KDM4C: variants seen among roughly 807,000 people sequenced by gnomAD.
The protein encoded by KDM4C is lysine-specific demethylase 4C.
Under a neutral mutation model 129.3 loss-of-function variants are expected in KDM4C, and 81 were observed. That is an observed-to-expected ratio of 0.63 (90% CI 0.52 to 0.75). KDM4C has a LOEUF of 0.75. KDM4C is among the 30% of genes least tolerant of loss of function. KDM4C has a pLI of 0.00. For missense variants in KDM4C, 1,457 were observed against 1,304.0 expected (o/e 1.12, Z -1.81); for synonymous variants, 573 against 456.1 (o/e 1.26, Z -3.26).
intron 11 of KDM4C, among the ~76,000 whole-genome samples, chr9:6,988,133 T>G (rs1468748028): frequency 4.8e-5 from 6 of 125,764 alleles, no homozygotes; most frequent in African/African-American, 1.5e-4. Context: ...CTAGCCTGGG[T>G]GACAGAGTGA....
intron 8 of KDM4C, among the ~76,000 whole-genome samples, chr9:6,946,635 T>G (rs528462714): frequency 1.3e-5 from 2 of 152,244 alleles, no homozygotes; most frequent in South Asian, 4.1e-4. Context: ...TATGTGCGTG[T>G]GTTTATGTTG....
At chr9:6,828,522 G>A (rs978092837) in intron 4 of KDM4C, among the ~76,000 whole-genome samples, 1 of 152,042 alleles carries the variant, frequency 6.6e-6, no homozygotes, top group Non-Finnish European at 1.5e-5. Context: ...AGGAAATACT[G>A]ACCTTGGAAT....
At chr9:6,806,168 C>T (rs1435167980) in intron 3 of KDM4C, among the ~76,000 whole-genome samples, 1 of 152,060 alleles carries the variant, frequency 6.6e-6, no homozygotes, top group Non-Finnish European at 1.5e-5. Flanking sequence ...GAAAGGCCAC[C>T]ATTGCATTAG....
At chr9:7,035,335 A>AT (rs112264338) in intron 15 of KDM4C, among the ~76,000 whole-genome samples, 36,526 of 80,630 alleles carry the variant, frequency 0.45, 10,823 homozygotes, top group African/African-American at 0.55. Flanking sequence ...CTTAAATCAG[A>AT]TTTTTTTTTT....
At chr9:6,746,260 ATGTT>A (rs1817868967) in intron 1 of KDM4C, among the ~76,000 whole-genome samples, 1 of 105,674 alleles carries the variant, frequency 9.5e-6, no homozygotes, top group African/African-American at 3.8e-5. Context: ...ATATATATAT[ATGTT>A]TTTTTTTTTT....
intron 17 of KDM4C, among the ~76,000 whole-genome samples, chr9:7,080,062 G>T (rs1429488359): frequency 2.6e-5 from 4 of 152,044 alleles, no homozygotes; most frequent in Non-Finnish European, 5.9e-5. Context: ...ACTTCATCTA[G>T]GCCATGGATT....
At chr9:6,814,522 T>C in intron 3 of KDM4C, 109 bp from the exon 4 acceptor site, 1 of 596,498 alleles carries the variant, frequency 1.7e-6, no homozygotes, top group Non-Finnish European at 2.9e-6. Context: ...CATGCAGTAT[T>C]TTCGTTTTGG....
chr9:7,053,498 TA>T (rs1182489085), intron 17 of KDM4C, among the ~76,000 whole-genome samples: 1 of 152,242 alleles, frequency 6.6e-6, no homozygotes, highest in Non-Finnish European at 1.5e-5. Context: ...GGAGATCCTT[TA>T]GCTCATCCAG....
chr9:7,011,622 T>C, intron 12 of KDM4C, 76 bp from the exon 13 acceptor site: 2 of 1,313,202 alleles, frequency 1.5e-6, no homozygotes, highest in African/African-American at 2.9e-5. Flanking sequence ...TGTGGAATGT[T>C]TATTTCTTTT....
At chr9:6,745,112 C>G (rs1817832940) in intron 1 of KDM4C, among the ~76,000 whole-genome samples, 1 of 152,068 alleles carries the variant, frequency 6.6e-6, no homozygotes, top group Admixed American at 6.6e-5. Flanking sequence ...TTTTCTGGGT[C>G]AAACATCCCA....
chr9:6,813,392 G>A (rs1009591402), intron 3 of KDM4C, among the ~76,000 whole-genome samples: 3 of 152,048 alleles, frequency 2.0e-5, no homozygotes, highest in Non-Finnish European at 4.4e-5. Context: ...AATTCAAATT[G>A]TTCTATGTTT....
chr9:7,040,623 A>G (rs1337478152), intron 15 of KDM4C, among the ~76,000 whole-genome samples: 2 of 150,756 alleles, frequency 1.3e-5, no homozygotes, highest in Non-Finnish European at 3.0e-5. Flanking sequence ...GAGTGTTTCT[A>G]TTTTTCCTTT....
chr9:7,009,457 C>CT (rs796858594), intron 12 of KDM4C, among the ~76,000 whole-genome samples: 39 of 151,544 alleles, frequency 2.6e-4, no homozygotes, highest in African/African-American at 6.8e-4. Context: ...TGCATACATT[C>CT]TTTTTTTTTC....
At chr9:7,149,470 C>T (rs56754948) in intron 19 of KDM4C, among the ~76,000 whole-genome samples, 3,616 of 152,328 alleles carry the variant, frequency 0.024, 133 homozygotes, top group African/African-American at 0.082. Context: ...CATGGGCTCC[C>T]GCCCTGCCAG....
intron 8 of KDM4C, among the ~76,000 whole-genome samples, chr9:6,977,000 G>A (rs1003993148): frequency 6.6e-6 from 1 of 152,022 alleles, no homozygotes; most frequent in Non-Finnish European, 1.5e-5. Flanking sequence ...TTTTGAGACT[G>A]GATTATGAGA....
intron 19 of KDM4C, among the ~76,000 whole-genome samples, chr9:7,156,910 G>T (rs903943711): frequency 5.9e-5 from 9 of 152,208 alleles, no homozygotes; most frequent in Non-Finnish European, 1.2e-4. Flanking sequence ...GTAGCTTGAT[G>T]GGGATGGCAT....
intron 8 of KDM4C, among the ~76,000 whole-genome samples, chr9:6,971,038 A>G (rs1393471348): frequency 6.6e-6 from 1 of 152,178 alleles, no homozygotes; most frequent in Admixed American, 6.5e-5. Flanking sequence ...ATGACAGCGC[A>G]TTCCTTTTTT....
At chr9:7,163,103 CTCTG>C (rs1245493854) in intron 19 of KDM4C, among the ~76,000 whole-genome samples, 3 of 152,066 alleles carry the variant, frequency 2.0e-5, no homozygotes, top group East Asian at 1.9e-4. Context: ...AGTGCAGGTT[CTCTG>C]TCTGCATGAT....
intron 12 of KDM4C, among the ~76,000 whole-genome samples, chr9:6,996,611 G>A (rs565164548): frequency 2.6e-5 from 4 of 152,316 alleles, no homozygotes; most frequent in African/African-American, 9.6e-5. Context: ...GACAAGCCGT[G>A]CTAGTGTACA....
Sources: allele counts gnomAD v4.1 joint callset (sites outside exome capture counted in the v4.1 genomes callset), GRCh38; gene constraint gnomAD v4.1.1; transcripts MANE v1.5; gene names NCBI Gene and HGNC (gene_info 2026-07-23, HGNC 2026-07-21).